THSD4: variants seen among roughly 807,000 people sequenced by gnomAD.
THSD4 encodes thrombospondin type 1 domain containing 4.
A neutral mutation model predicts 119.0 loss-of-function variants in THSD4; 69 were observed. That is an observed-to-expected ratio of 0.58 (90% CI 0.48 to 0.71). The LOEUF (loss-of-function observed/expected upper bound fraction) is 0.71. THSD4 is among the 30% of genes least tolerant of loss of function. The pLI is 0.00. For missense variants in THSD4, 1,393 were observed against 1,391.1 expected (o/e 1.00, Z -0.02); for synonymous variants, 524 against 540.4 (o/e 0.97, Z 0.42).
chr15:71,362,970 T>TAA lies in THSD4; in HGVS notation c.1016-48697_1016-48696dup, dbSNP rs11287381. Among the ~76,000 whole-genome samples the TAA allele has an allele frequency of 2.1e-3, 282 of 135,006 alleles. 2 individuals carry two copies. The highest frequency in any genetic ancestry group is 7.0e-3 in the African/African-American group (244 of 34,866). The allele number at this position is 135,006 out of a possible 152,430, so 88.6% of individuals were successfully genotyped here. On this transcript the variant is annotated intron_variant, in intron 6 of 17. Coordinates refer to ENST00000261862, the MANE Select transcript of THSD4 (RefSeq NM_024817.3). ...CTAACACGAATGATAGCTGATGAGC[T>TAA]AAAAAAAAAAAAAAAAAAAAATCAC...
intron 8 of THSD4, among the ~76,000 whole-genome samples, chr15:71,697,238 G>A (rs1054515050): frequency 2.0e-5 from 3 of 152,158 alleles, no homozygotes; most frequent in Non-Finnish European, 2.9e-5. Flanking sequence ...ATCAGAAAAC[G>A]AGGCAGAGGA....
At chr15:71,250,831 C>T (rs1165124288) in intron 5 of THSD4, among the ~76,000 whole-genome samples, 1 of 151,972 alleles carries the variant, frequency 6.6e-6, no homozygotes, top group African/African-American at 2.4e-5. Flanking sequence ...GGCTTAGTGT[C>T]ATATTAACAT....
At chr15:71,493,207 A>G (rs964969997) in intron 7 of THSD4, among the ~76,000 whole-genome samples, 11 of 152,238 alleles carry the variant, frequency 7.2e-5, no homozygotes, top group African/African-American at 2.2e-4. Flanking sequence ...CTCTGGGGTA[A>G]TGTGAGAATG....
intron 7 of THSD4, among the ~76,000 whole-genome samples, chr15:71,563,359 G>A (rs2049163433): frequency 1.3e-5 from 2 of 152,084 alleles, no homozygotes; most frequent in Admixed American, 1.3e-4. Flanking sequence ...CGCTTACTTG[G>A]AACCGTATCT....
chr15:71,174,224 C>T (rs922708090), intron 3 of THSD4, among the ~76,000 whole-genome samples: 1 of 152,170 alleles, frequency 6.6e-6, no homozygotes, highest in Non-Finnish European at 1.5e-5. Context: ...TTCTGCATTT[C>T]CATCTGAGGT....
At chr15:71,363,654 G>A (rs1255147661) in intron 6 of THSD4, among the ~76,000 whole-genome samples, 1 of 152,152 alleles carries the variant, frequency 6.6e-6, no homozygotes, top group African/African-American at 2.4e-5. Flanking sequence ...ATTAATGAGG[G>A]AACCAGTATG....
intron 7 of THSD4, among the ~76,000 whole-genome samples, chr15:71,534,573 A>G (rs2048663549): frequency 6.6e-6 from 1 of 152,210 alleles, no homozygotes; most frequent in African/African-American, 2.4e-5. Flanking sequence ...TGCTCACTGT[A>G]AAAACAATTA....
At chr15:71,438,077 G>A (rs1159269500) in intron 7 of THSD4, among the ~76,000 whole-genome samples, 2 of 152,268 alleles carry the variant, frequency 1.3e-5, no homozygotes, top group African/African-American at 4.8e-5. Context: ...TCACTTACGT[G>A]CCCTAAGCAC....
At chr15:71,366,062 T>TTTTTG (rs750820837) in intron 6 of THSD4, among the ~76,000 whole-genome samples, 6 of 152,020 alleles carry the variant, frequency 3.9e-5, no homozygotes, top group Admixed American at 1.3e-4. Flanking sequence ...GTCCCAGGTT[T>TTTTTG]TTTTGTTTTG....
intron 6 of THSD4, among the ~76,000 whole-genome samples, chr15:71,343,045 G>C (rs189626639): frequency 1.3e-5 from 2 of 152,176 alleles, no homozygotes; most frequent in South Asian, 4.1e-4. Flanking sequence ...TATCAGAGCT[G>C]GGAGGGAAAA....
chr15:71,142,647 T>C (rs631010), intron 2 of THSD4, among the ~76,000 whole-genome samples: 39,404 of 152,102 alleles, frequency 0.26, 7,184 homozygotes, highest in African/African-American at 0.51. Context: ...GTTTTAGCTG[T>C]GTAGCATTAA....
rs1369983108 is a variant in THSD4, at chr15:71,429,610, A to T, written c.1152+17787A>T. On this transcript the variant is annotated intron_variant, in intron 7 of 17. Transcript: ENST00000261862. ...TTCCTTTGGGAGAGATGGAGGGTTG[A>T]GAAGCAGGAGCAGGGAGATCAGAAA... Among the ~76,000 whole-genome samples, 3 of 152,198 alleles carry T rather than the reference A, an allele frequency of 2.0e-5. No homozygotes were observed. In the East Asian group the frequency reaches 5.8e-4, roughly 29 times the overall value.
chr15:71,720,017 A>G (rs938745614), intron 8 of THSD4, among the ~76,000 whole-genome samples: 5 of 136,116 alleles, frequency 3.7e-5, no homozygotes, highest in African/African-American at 1.4e-4. Context: ...GTGTAATAAC[A>G]TGTGCTTTTT....
At chr15:71,488,805 A>G (rs1457182976) in intron 7 of THSD4, among the ~76,000 whole-genome samples, 1 of 152,156 alleles carries the variant, frequency 6.6e-6, no homozygotes, top group Non-Finnish European at 1.5e-5. Flanking sequence ...TTTCCCGATT[A>G]AGTTAGCTAG....
At chr15:71,682,595 T>C (rs1338549293) in intron 8 of THSD4, among the ~76,000 whole-genome samples, 1 of 151,858 alleles carries the variant, frequency 6.6e-6, no homozygotes, top group Non-Finnish European at 1.5e-5. Flanking sequence ...TTTCTCAACA[T>C]TTTTAACATT....
chr15:71,513,048 G>C (rs910315233), intron 7 of THSD4, among the ~76,000 whole-genome samples: 2 of 152,252 alleles, frequency 1.3e-5, no homozygotes, highest in Non-Finnish European at 2.9e-5. Flanking sequence ...AAGGGCTCAG[G>C]AATGATAATC....
In THSD4 at chr15:71,704,011, G is replaced by A. The variant is rs534133622; in HGVS notation, c.1358-24538G>A. Among the ~76,000 whole-genome samples, 532 of 152,036 alleles carry A rather than the reference G, an allele frequency of 3.5e-3. 1 individual carries two copies. The highest frequency in any genetic ancestry group is 5.0e-3 in the Non-Finnish European group (338 of 67,962). On this transcript the variant is annotated intron_variant, in intron 8 of 17. Transcript: ENST00000261862. ...ATTACAGGCGCCCACCACCACGCCC[G>A]GCTAATTTTTGTGTTTTTAGTAGAG...
intron 3 of THSD4, among the ~76,000 whole-genome samples, chr15:71,189,754 AT>A (rs1567151533): frequency 1.3e-5 from 2 of 151,956 alleles, no homozygotes; most frequent in Non-Finnish European, 2.9e-5. Context: ...GAATCTGTGC[AT>A]TGTTTTTTTA....
intron 7 of THSD4, among the ~76,000 whole-genome samples, chr15:71,571,563 G>A (rs1315679920): frequency 3.3e-5 from 5 of 152,196 alleles, no homozygotes; most frequent in Non-Finnish European, 7.3e-5. Flanking sequence ...ATCCCCAGAT[G>A]TCTGGTATGC....
Sources: allele counts gnomAD v4.1 joint callset (sites outside exome capture counted in the v4.1 genomes callset), GRCh38; gene constraint gnomAD v4.1.1; transcripts MANE v1.5; gene names NCBI Gene and HGNC (gene_info 2026-07-23, HGNC 2026-07-21).